Variants in WWOX observed in about 807,000 individuals in gnomAD.
WWOX encodes the protein WW domain-containing oxidoreductase.
In WWOX, 69 loss-of-function variants were observed where a neutral mutation model predicts 46.2. That is an observed-to-expected ratio of 1.49 (90% CI 1.23 to 1.82). WWOX has a LOEUF of 1.82. Ranked by LOEUF, WWOX falls within the 40% of genes most tolerant of loss-of-function variation. The pLI is 0.00. For missense variants in WWOX, 919 were observed against 542.6 expected, an observed-to-expected ratio of 1.69 and a Z score of -6.89; for synonymous variants, 359 against 202.6, an observed-to-expected ratio of 1.77 and a Z score of -6.56.
intron 5 of WWOX, among the ~76,000 whole-genome samples, chr16:78,224,441 T>C (rs1000756583): frequency 6.6e-6 from 1 of 151,656 alleles, no homozygotes; most frequent in Admixed American, 6.6e-5. Flanking sequence ...AAAATGGAAG[T>C]GTTCAAGAAA....
intron 8 of WWOX, among the ~76,000 whole-genome samples, chr16:78,901,366 T>A (rs1447566861): frequency 6.6e-6 from 1 of 152,214 alleles, no homozygotes. Flanking sequence ...CGGAAATATT[T>A]CGGATGGAAT....
chr16:79,059,876 A>G (rs1270054222), intron 8 of WWOX, among the ~76,000 whole-genome samples: 1 of 152,232 alleles, frequency 6.6e-6, no homozygotes. Flanking sequence ...AAATAGCTTT[A>G]TTAACAACTT....
intron 4 of WWOX, among the ~76,000 whole-genome samples, chr16:78,116,243 T>C (rs1287638156): frequency 6.6e-6 from 1 of 151,802 alleles, no homozygotes; most frequent in African/African-American, 2.4e-5. Context: ...GTAGGTCTTA[T>C]TCTTTCTTTC....
intron 8 of WWOX, among the ~76,000 whole-genome samples, chr16:78,471,057 C>G (rs1380595051): frequency 6.6e-6 from 1 of 152,176 alleles, no homozygotes; most frequent in Admixed American, 6.6e-5. Flanking sequence ...TTCACTCTTC[C>G]TTCCTACCCT....
intron 8 of WWOX, among the ~76,000 whole-genome samples, chr16:78,515,154 G>A (rs868467559): frequency 3.3e-5 from 5 of 152,144 alleles, no homozygotes; most frequent in African/African-American, 9.7e-5. Flanking sequence ...AACCCGGGAG[G>A]CGGAGGTTAC....
At chr16:78,510,054 C>T (rs34406170) in intron 8 of WWOX, among the ~76,000 whole-genome samples, 84,297 of 150,732 alleles carry the variant, frequency 0.56, 27,148 homozygotes, top group Non-Finnish European at 0.71. Flanking sequence ...AAAGAGAGAT[C>T]CTGTCTCCAA....
At chr16:78,804,099 G>A (rs533957033) in intron 8 of WWOX, among the ~76,000 whole-genome samples, 51 of 152,240 alleles carry the variant, frequency 3.3e-4, no homozygotes, top group African/African-American at 1.1e-3. Context: ...TGACCCCGCC[G>A]CAGTGGAGAT....
At chr16:78,228,751 C>T (rs964397755) in intron 5 of WWOX, among the ~76,000 whole-genome samples, 1 of 152,168 alleles carries the variant, frequency 6.6e-6, no homozygotes, top group African/African-American at 2.4e-5. Flanking sequence ...ACAGATATGT[C>T]ATTGAAGTTT....
intron 4 of WWOX, among the ~76,000 whole-genome samples, chr16:78,136,152 A>G (rs566581602): frequency 6.6e-6 from 1 of 152,182 alleles, no homozygotes; most frequent in Admixed American, 6.5e-5. Flanking sequence ...TGAAATTCAC[A>G]ATGCGTGCCA....
At chr16:78,808,179 C>T (rs1173078248) in intron 8 of WWOX, among the ~76,000 whole-genome samples, 1 of 152,154 alleles carries the variant, frequency 6.6e-6, no homozygotes, top group African/African-American at 2.4e-5. Flanking sequence ...ACCTCAAGAT[C>T]ATGTCCTCTT....
At chr16:78,952,756 C>T (rs765914385) in intron 8 of WWOX, among the ~76,000 whole-genome samples, 1 of 152,052 alleles carries the variant, frequency 6.6e-6, no homozygotes, top group Non-Finnish European at 1.5e-5. Context: ...GTGTTTGTTT[C>T]GGTTCCCCAA....
At chr16:79,160,969 G>A (rs58414451) in intron 8 of WWOX, among the ~76,000 whole-genome samples, 2,499 of 152,082 alleles carry the variant, frequency 0.016, 68 homozygotes, top group African/African-American at 0.057. Flanking sequence ...AATGTAGCAC[G>A]TTTCCTGGCA....
chr16:78,452,058 C>T (rs1281986836), intron 8 of WWOX, among the ~76,000 whole-genome samples: 2 of 152,170 alleles, frequency 1.3e-5, no homozygotes, highest in African/African-American at 2.4e-5. Flanking sequence ...CATGTTCTTT[C>T]TTTAAGTCAT....
intron 8 of WWOX, among the ~76,000 whole-genome samples, chr16:78,881,353 A>G (rs1206505083): frequency 6.6e-6 from 1 of 152,216 alleles, no homozygotes. Flanking sequence ...AAAATCTGAA[A>G]AATGTTAGTC....
At chr16:78,946,283 C>T (rs566972726) in intron 8 of WWOX, among the ~76,000 whole-genome samples, 10 of 152,180 alleles carry the variant, frequency 6.6e-5, no homozygotes, top group East Asian at 3.9e-4. Flanking sequence ...CTCCAACTCC[C>T]GGCTCCAGTG....
In WWOX at chr16:78,996,386, C is replaced by T. The variant is rs764328381; in HGVS notation, c.1057-215222C>T. The T allele has an allele frequency of 2.5e-4, 207 of 812,124 alleles. 6 individuals are homozygous for T. In the East Asian group the frequency reaches 0.02, roughly 80 times the overall value. 50.3% of individuals were successfully genotyped at this position (812,124 alleles called of 1,614,324 possible). A position where few individuals can be genotyped will look rare whatever the true frequency, so the allele number is the denominator to read the frequency against. On this transcript the variant is annotated intron_variant, in intron 8 of 8. Coordinates refer to ENST00000566780, the MANE Select transcript of WWOX (RefSeq NM_016373.4). ...GTGAATTCTGCACCCACCCCCGCCC[C>T]CCAGCTTCCCCACCTGTAAAATGAT...
intron 8 of WWOX, among the ~76,000 whole-genome samples, chr16:78,715,136 A>T (rs2048531314): frequency 6.6e-6 from 1 of 152,140 alleles, no homozygotes; most frequent in South Asian, 2.1e-4. Flanking sequence ...AAGAGAATGG[A>T]TTGTGATGAA....
In WWOX at chr16:79,100,253, G is replaced by T. The variant is rs148282325; in HGVS notation, c.1057-111355G>T. Among the ~76,000 whole-genome samples, 590 of 152,240 alleles carry T rather than the reference G, an allele frequency of 3.9e-3. 1 individual carries two copies. The highest frequency in any genetic ancestry group is 0.012 in the African/African-American group (517 of 41,550). ...TGTTAAAAAAAAGATACCCACCAAAGATAAATAAGATCAAGATTAGAATGT... is the reference window on the plus strand; with the variant it reads ...TGTTAAAAAAAAGATACCCACCAAATATAAATAAGATCAAGATTAGAATGT... On this transcript the variant is annotated intron_variant, in intron 8 of 8. Transcript: ENST00000566780.
At chr16:78,700,598 G>C (rs2048193292) in intron 8 of WWOX, among the ~76,000 whole-genome samples, 1 of 152,178 alleles carries the variant, frequency 6.6e-6, no homozygotes, top group Non-Finnish European at 1.5e-5. Context: ...CCAAGGAAGG[G>C]GCACTCAGCT....
Sources: allele counts gnomAD v4.1 joint callset (sites outside exome capture counted in the v4.1 genomes callset), GRCh38; gene constraint gnomAD v4.1.1; transcripts MANE v1.5; gene names NCBI Gene and HGNC (gene_info 2026-07-23, HGNC 2026-07-21).